Variants in ZBTB46 observed in about 807,000 individuals in gnomAD.
ZBTB46 encodes the protein zinc finger and BTB domain-containing protein 46.
Under a neutral mutation model 44.1 loss-of-function variants are expected in ZBTB46, and 8 were observed. The observed-to-expected ratio is 0.18, with a 90% CI of 0.11 to 0.33. ZBTB46 has a LOEUF of 0.33. ZBTB46 is among the 10% of genes least tolerant of loss of function. The probability of loss-of-function intolerance (pLI) is 1.00; values close to 1 mark genes in which losing one functional copy is unlikely to be tolerated. For missense variants in ZBTB46, 651 were observed against 847.7 expected, an observed-to-expected ratio of 0.77 and a Z score of 2.88; for synonymous variants, 409 against 382.3, an observed-to-expected ratio of 1.07 and a Z score of -0.81.
intron 2 of ZBTB46, 116 bp from the exon 3 acceptor site, chr20:63,776,078 A>G: frequency 7.6e-7 from 1 of 1,316,530 alleles, no homozygotes; most frequent in Non-Finnish European, 1.0e-6. Context: ...ACAGAGCAGC[A>G]TCAAGTCCAG....
upstream of ZBTB46, among the ~76,000 whole-genome samples, chr20:63,833,134 T>C (rs1051975762): frequency 2.0e-5 from 3 of 152,244 alleles, no homozygotes; most frequent in Non-Finnish European, 4.4e-5. Flanking sequence ...TGGTTTGCCA[T>C]GTCCGTTGTC....
At position 63,803,663 on chromosome 20, in the gene ZBTB46, C is replaced by T. The variant is rs772343407; in HGVS notation, c.-33-12873G>A. On this transcript the variant is annotated intron_variant, in intron 1 of 4. Coordinates refer to ENST00000245663, the MANE Select transcript of ZBTB46 (RefSeq NM_001369741.1). This position sits in a 1 kb window ranked among gnomAD's most constrained non-coding sequence, Gnocchi z 4.0. ...TCCTTCATCTCCAGCCCGGCTCTGA[C>T]GCCCAGGCCGCCTCCTCCGCCTTCC... Among the ~76,000 whole-genome samples the T allele has an allele frequency of 1.3e-5, 2 of 151,916 alleles. No individual in the cohort carries two copies. The highest frequency in any genetic ancestry group is 6.6e-5 in the Admixed American group (1 of 15,246).
intron 1 of ZBTB46, among the ~76,000 whole-genome samples, chr20:63,829,238 G>A (rs550946915): frequency 6.6e-6 from 1 of 152,114 alleles, no homozygotes; most frequent in African/African-American, 2.4e-5. Flanking sequence ...CACCCAACCC[G>A]AACATCCGAA....
chr20:63,812,513 G>A (rs976488455), intron 1 of ZBTB46, among the ~76,000 whole-genome samples: 8 of 151,968 alleles, frequency 5.3e-5, no homozygotes, highest in African/African-American at 1.2e-4. Context: ...AATGTGGTGC[G>A]CGCCTATAAT....
chr20:63,776,085 C>T, intron 2 of ZBTB46, 123 bp from the exon 3 acceptor site: 1 of 1,254,436 alleles, frequency 8.0e-7, no homozygotes, highest in Non-Finnish European at 1.1e-6. Context: ...AGCATCAAGT[C>T]CAGCCCACCC....
intron 3 of ZBTB46, among the ~76,000 whole-genome samples, chr20:63,757,522 T>C: frequency 6.6e-6 from 1 of 152,150 alleles, no homozygotes; most frequent in Admixed American, 6.5e-5. Flanking sequence ...GGCTTTCTGG[T>C]GCCTCACGGG....
At chr20:63,793,235 A>G (rs537146147) in intron 1 of ZBTB46, among the ~76,000 whole-genome samples, 4 of 152,270 alleles carry the variant, frequency 2.6e-5, no homozygotes, top group African/African-American at 9.6e-5. Context: ...CGAGCAGAAC[A>G]AGGAGCTGCC....
intron 1 of ZBTB46, among the ~76,000 whole-genome samples, chr20:63,817,791 C>T (rs1320032771): frequency 6.6e-6 from 1 of 151,602 alleles, no homozygotes; most frequent in African/African-American, 2.4e-5. Context: ...TGTGTGAAGA[C>T]AGAGGCAGAG....
rs574717418 is a variant in ZBTB46, at chr20:63,747,046, C to T, written c.1654G>A (p.Asp552Asn). 9.3e-6 allele frequency: 15 copies of T among 1,608,314 alleles called. No homozygotes were observed. The highest frequency in any genetic ancestry group is 7.7e-5 in the South Asian group (7 of 91,066). ...RGEAEELGED[D>N]EGLAPEDALL... ...GCATCCTCAGGGGCCAGGCCCTCGT[C>T]GTCCTCGCCCAGCTCCTCCGCCTCC... The change falls in exon 5 of 5, where the codon GAC (aspartate) becomes AAC (asparagine). Residue 552 changes from aspartate (D) to asparagine (N), a missense_variant. Asp to Asn is a conservative substitution (Grantham distance 23). This residue lies in a region of ZBTB46 where 106 missense variants were observed against 81.0 expected (regional missense o/e 1.31). Coordinates refer to ENST00000245663, the MANE Select transcript of ZBTB46 (RefSeq NM_001369741.1).
At chr20:63,812,868 G>A (rs2092725528) in intron 1 of ZBTB46, among the ~76,000 whole-genome samples, 1 of 152,164 alleles carries the variant, frequency 6.6e-6, no homozygotes, top group South Asian at 2.1e-4. Context: ...GGCCAAGGCA[G>A]GTGGATCATG....
intron 1 of ZBTB46, among the ~76,000 whole-genome samples, chr20:63,818,888 A>AT (rs1379488936): frequency 4.8e-5 from 7 of 147,168 alleles, no homozygotes; most frequent in African/African-American, 1.8e-4. Flanking sequence ...AAAAAAAAAA[A>AT]AGAAGGCCAG....
chr20:63,770,972 CA>C lies in ZBTB46; in HGVS notation c.1222+4705del, dbSNP rs879275918. 2.0e-3 allele frequency among the ~76,000 whole-genome samples: 268 copies of C among 134,126 alleles called. 2 individuals are homozygous for C. The highest frequency in any genetic ancestry group is 4.6e-3 in the African/African-American group (160 of 35,080). The allele number at this position is 134,126 out of a possible 152,430, so 88.0% of individuals were successfully genotyped here. A position where few individuals can be genotyped will look rare whatever the true frequency, so the allele number is the denominator to read the frequency against. The stretch of plus-strand genomic sequence containing the variant: ...TCAGCACCGGCCACGCCCGGCACAG[CA>C]GCCACGCCGCTCGAACCACAGCAGG... On this transcript the variant is annotated intron_variant, in intron 3 of 4. Transcript: ENST00000245663.
At chr20:63,779,622 G>C (rs1008917956) in intron 2 of ZBTB46, among the ~76,000 whole-genome samples, 1 of 151,690 alleles carries the variant, frequency 6.6e-6, no homozygotes, top group East Asian at 1.9e-4. Flanking sequence ...GGGTTTCACC[G>C]TGTTAGCCAA....
At chr20:63,766,040 T>A (rs1413598717) in intron 3 of ZBTB46, among the ~76,000 whole-genome samples, 1 of 151,862 alleles carries the variant, frequency 6.6e-6, no homozygotes, top group Non-Finnish European at 1.5e-5. Flanking sequence ...AAGGCAAAGC[T>A]GTCATGCGGC....
chr20:63,830,796 C>T (rs1391083074), intron 1 of ZBTB46, among the ~76,000 whole-genome samples: 1 of 144,528 alleles, frequency 6.9e-6, no homozygotes, highest in African/African-American at 2.5e-5. Flanking sequence ...GCCGCCTCCG[C>T]GCTCAGCCCC....
intron 2 of ZBTB46, among the ~76,000 whole-genome samples, chr20:63,782,639 A>C (rs1273673219): frequency 6.6e-6 from 1 of 152,210 alleles, no homozygotes; most frequent in Non-Finnish European, 1.5e-5. Flanking sequence ...CCAAACGCCC[A>C]CATCCAGACA....
In ZBTB46 at chr20:63,803,179, G is replaced by T. The variant is rs1449147348; in HGVS notation, c.-33-12389C>A. ...CAGGATGCCATCCAGGCAGGGACCA[G>T]TGTGGGCACCATCCCCCAGGGCGCC... On this transcript the variant is annotated intron_variant, in intron 1 of 4. Coordinates refer to ENST00000245663, the MANE Select transcript of ZBTB46 (RefSeq NM_001369741.1). This position sits in a 1 kb window ranked among gnomAD's most constrained non-coding sequence, Gnocchi z 4.0. Among the ~76,000 whole-genome samples the T allele has an allele frequency of 2.6e-5, 4 of 151,874 alleles. No homozygotes were observed. In the East Asian group the frequency reaches 7.7e-4, roughly 29 times the overall value.
rs1263551664 is a variant in ZBTB46, at chr20:63,767,052, T to C, written c.1222+8626A>G. ...CTGAATAGAAAGCTGACATTGAACC[T>C]AACACGTCCGACGAGGACGGGCAAG... On this transcript the variant is annotated intron_variant, in intron 3 of 4. Transcript: ENST00000245663. The surrounding 1 kb of genome is among the most constrained non-coding windows in gnomAD (Gnocchi z 5.0). Among the ~76,000 whole-genome samples, 1 of 152,204 alleles carries C rather than the reference T, an allele frequency of 6.6e-6. No individual in the cohort carries two copies. Among genetic ancestry groups the C allele is most frequent in the Non-Finnish European group, 1.5e-5 (1 of 68,026 alleles).
intron 3 of ZBTB46, chr20:63,775,301 G>GCGACAGAGGGGC (rs2092415228): frequency 5.0e-6 from 1 of 198,744 alleles, no homozygotes; most frequent in Non-Finnish European, 1.0e-5. Flanking sequence ...CAGCACGAAG[G>GCGACAGAGGGGC]CGACAGAGGG....
Sources: gnomAD v4.1 joint callset for allele counts (sites outside exome capture counted in the v4.1 genomes callset) on GRCh38, gnomAD v4.1.1 for gene constraint, gnomAD v4.1.1 regional missense constraint, Gnocchi (gnomAD v3.1) non-coding constraint, MANE v1.5 for transcripts, NCBI Gene and HGNC (gene_info 2026-07-23, HGNC 2026-07-21) for gene names.